ITIH6: variants seen among roughly 807,000 people sequenced by gnomAD.
ITIH6 encodes inter-alpha-trypsin inhibitor heavy chain family member 6.
Under a neutral mutation model 58.2 loss-of-function variants are expected in ITIH6, and 60 were observed. That is an observed-to-expected ratio of 1.03 (90% CI 0.84 to 1.28). The LOEUF (loss-of-function observed/expected upper bound fraction) is 1.28. Among genes scored for constraint, ITIH6 ranks in the 50% most tolerant of loss-of-function variants. ITIH6 has a pLI of 0.00. For missense variants in ITIH6, 1,290 were observed against 1,021.1 expected (o/e 1.26, Z -3.59); for synonymous variants, 493 against 417.4 (o/e 1.18, Z -2.21).
chrX:54,771,773 CA>C (rs1928957134), intron 6 of ITIH6, among the ~76,000 whole-genome samples: 1 of 111,181 alleles, frequency 9.0e-6, no homozygotes, highest in Non-Finnish European at 1.9e-5. Context: ...AAATGGAAAT[CA>C]AAACCACAAT....
chrX:54,778,195 C>CT (rs1333374493), intron 5 of ITIH6, among the ~76,000 whole-genome samples: 4,226 of 92,377 alleles, frequency 0.046, 254 homozygotes, highest in African/African-American at 0.14. Flanking sequence ...GCACCAGAGT[C>CT]TTTTTTTTTT....
chrX:54,755,790 T>A (rs1485541651), intron 8 of ITIH6, among the ~76,000 whole-genome samples: 1 of 109,278 alleles, frequency 9.2e-6, no homozygotes, highest in Non-Finnish European at 1.9e-5. Flanking sequence ...GGAATGGGGG[T>A]AGGGAGCAGA....
At chrX:54,767,485 G>T (rs1928822665) in intron 6 of ITIH6, among the ~76,000 whole-genome samples, 1 of 99,155 alleles carries the variant, frequency 1.0e-5, no homozygotes, top group Non-Finnish European at 1.9e-5. Context: ...GTGATGTTAG[G>T]GTGTCCATTT....
At chrX:54,778,001 G>A (rs2147614932) in intron 5 of ITIH6, among the ~76,000 whole-genome samples, 1 of 111,882 alleles carries the variant, frequency 8.9e-6, no homozygotes, top group African/African-American at 3.2e-5. Flanking sequence ...ATAGAGATAT[G>A]TGACCTTTCA....
intron 5 of ITIH6, among the ~76,000 whole-genome samples, chrX:54,783,064 A>G (rs1367199018): frequency 2.7e-5 from 3 of 112,747 alleles, no homozygotes; most frequent in African/African-American, 3.2e-5. Flanking sequence ...GATACATTAT[A>G]TCAACTGAAT....
At chrX:54,764,978 A>T (rs1928739547) in intron 6 of ITIH6, among the ~76,000 whole-genome samples, 1 of 69,528 alleles carries the variant, frequency 1.4e-5, no homozygotes, top group Non-Finnish European at 2.6e-5. Flanking sequence ...GATATCTCAT[A>T]GTGGTTTTGA....
chrX:54,757,810 T>G lies in ITIH6; in HGVS notation c.2264A>C (p.Asn755Thr). Residue 755 changes from asparagine (N) to threonine (T), a missense_variant, in exon 8 of 13, where the codon AAC becomes ACC. Transcript: ENST00000218436. The part of the protein sequence containing the change: ...SHQNPDILPT[N>T]SRTQVPPVKP... ...CACAGGTGGGACTTGTGTCCTGGAG[T>G]TCGTGGGTAATATATCAGGATTCTG... The G allele has an allele frequency of 8.3e-7, 1 of 1,209,736 alleles. No individual in the cohort carries two copies.
chrX:54,760,079 GAA>G (rs773433423), intron 6 of ITIH6, 152 bp from the exon 7 acceptor site: 10 of 463,969 alleles, frequency 2.2e-5, no homozygotes, highest in South Asian at 4.1e-5. Flanking sequence ...ATTCTCAGGT[GAA>G]AAGACTCTAT....
At chrX:54,759,308 A>ACCC (rs368552046) in intron 7 of ITIH6, among the ~76,000 whole-genome samples, 3 of 108,090 alleles carry the variant, frequency 2.8e-5, no homozygotes, top group Admixed American at 1.0e-4. Context: ...CAAGGCTAGC[A>ACCC]CCCCCCCCTC....
chrX:54,751,710 T>C (rs1035505216), intron 11 of ITIH6, among the ~76,000 whole-genome samples: 4 of 112,079 alleles, frequency 3.6e-5, no homozygotes, highest in Non-Finnish European at 5.6e-5. Context: ...GAAGGTGGTA[T>C]GTTAGAGTGC....
chrX:54,784,010 T>C (rs1007096930), intron 5 of ITIH6, among the ~76,000 whole-genome samples: 2 of 111,544 alleles, frequency 1.8e-5, no homozygotes, highest in Non-Finnish European at 3.8e-5. Context: ...TGGAAAGGAA[T>C]AGAGAACCCA....
rs144787069 is a variant in ITIH6 at position 54,758,547 on chromosome X, C to A, written c.1527G>T (p.Val509=). The A allele has an allele frequency of 8.3e-7, 1 of 1,211,130 alleles. No homozygotes were observed. The highest frequency in any genetic ancestry group is 1.8e-5 in the South Asian group (1 of 56,863). ...TGCCCAGTTCCTGTTTGCCTGGCTG[C>A]ACCTGTCCTGCCACCACCAGCTCAG... is the stretch of plus-strand genomic sequence containing the variant. The part of the protein sequence containing the change: ...GGSELVVAGQ[V]QPGKQELGIH... The change falls in exon 8 of 13, where the codon GTG becomes GTT. Residue 509 remains valine, a synonymous_variant. Transcript: ENST00000218436.
chrX:54,776,413 C>T (rs1397222548), intron 5 of ITIH6, among the ~76,000 whole-genome samples: 1 of 110,273 alleles, frequency 9.1e-6, no homozygotes, highest in African/African-American at 3.3e-5. Flanking sequence ...GAACTGGGCC[C>T]AGAGACAGTG....
At position 54,753,686 on chromosome X, in the gene ITIH6, C is replaced by T; in HGVS notation, c.3317G>A (p.Gly1106Glu). 8.3e-7 allele frequency: 1 copy of T among 1,210,785 alleles called. No homozygotes were observed. The highest frequency in any genetic ancestry group is 1.1e-6 in the Non-Finnish European group (1 of 895,043). The change falls in exon 11 of 13, where the codon GGG becomes GAG. Residue 1106 changes from glycine (G) to glutamate (E), a missense_variant. Physicochemically the swap from Gly to Glu is moderately conservative, Grantham distance 98. Coordinates refer to ENST00000218436, the MANE Select transcript of ITIH6 (RefSeq NM_198510.3). ...KICFTLNGHP[G>E]DLLQLIEDPK... ...GTCCTCTATGAGCTGCAGCAAGTCC[C>T]CAGGGTGCCCATTCAGTGTGAAGCA...
At chrX:54,766,234 A>C (rs1250287886) in intron 6 of ITIH6, among the ~76,000 whole-genome samples, 1 of 106,725 alleles carries the variant, frequency 9.4e-6, no homozygotes, top group Non-Finnish European at 1.9e-5. Context: ...TTGTACATTG[A>C]TTTTGTATCC....
chrX:54,770,847 C>T (rs1277973027), intron 6 of ITIH6, among the ~76,000 whole-genome samples: 1 of 112,113 alleles, frequency 8.9e-6, no homozygotes, highest in Admixed American at 9.4e-5. Flanking sequence ...CATTTTCTTC[C>T]TCTATGTAGA....
intron 6 of ITIH6, among the ~76,000 whole-genome samples, chrX:54,771,389 A>C (rs1928946199): frequency 9.0e-6 from 1 of 111,355 alleles, no homozygotes; most frequent in Non-Finnish European, 1.9e-5. Flanking sequence ...AATTCTTTTT[A>C]TTTTTGTTTT....
At chrX:54,787,406 T>G (rs142910602) in intron 5 of ITIH6, 1,276 of 111,473 alleles carry the variant, frequency 0.011, 16 homozygotes, top group African/African-American at 0.039. Context: ...CTGGCACCTC[T>G]GCAGAATCCA....
Position 54,757,816 on chromosome X carries a change from G to T in ITIH6, c.2258C>A (p.Pro753His), listed in dbSNP as rs773533744. ...TGGGACTTGTGTCCTGGAGTTCGTG[G>T]GTAATATATCAGGATTCTGGTGTGA... ...SLSHQNPDILPTNSRTQVPPV... is the reference protein window; with the variant it reads ...SLSHQNPDILHTNSRTQVPPV... The change falls in exon 8 of 13, where the codon CCC (proline) becomes CAC (histidine). Residue 753 changes from proline (P) to histidine (H), a missense_variant. Coordinates refer to ENST00000218436, the MANE Select transcript of ITIH6 (RefSeq NM_198510.3). 5.0e-6 allele frequency: 6 copies of T among 1,209,069 alleles called. No homozygotes were observed. The highest frequency in any genetic ancestry group is 3.0e-5 in the East Asian group (1 of 33,734).
Sources: allele counts gnomAD v4.1 joint callset (sites outside exome capture counted in the v4.1 genomes callset), GRCh38; gene constraint gnomAD v4.1.1; transcripts MANE v1.5; gene names NCBI Gene and HGNC (gene_info 2026-07-23, HGNC 2026-07-21).